ZNF286A: variants seen among roughly 807,000 people sequenced by gnomAD.
ZNF286A encodes zinc finger protein ZNF286.
Under a neutral mutation model 49.3 loss-of-function variants are expected in ZNF286A, and 34 were observed. That is an observed-to-expected ratio of 0.69 (90% confidence interval 0.52 to 0.92). ZNF286A has a LOEUF of 0.92. ZNF286A is among the 40% of genes least tolerant of loss of function. The probability of loss-of-function intolerance (pLI) is 0.00; values close to 1 mark genes in which losing one functional copy is unlikely to be tolerated. For missense variants in ZNF286A, 462 were observed against 600.2 expected, an observed-to-expected ratio of 0.77 and a Z score of 2.41; for synonymous variants, 155 against 200.4, an observed-to-expected ratio of 0.77 and a Z score of 1.91.
In ZNF286A at chr17:15,716,461, A is replaced by G; in HGVS notation, c.737A>G (p.Asn246Ser). 1 of 1,613,694 alleles carries G rather than the reference A, an allele frequency of 6.2e-7. No individual in the cohort carries two copies. Among genetic ancestry groups the G allele is most frequent in the Non-Finnish European group, 8.5e-7 (1 of 1,179,906 alleles). Reference sequence around the variant, plus strand: ...AAAGAGAAAAAACCTCATAAATGTAATGATTGTGGTGAACTCTTCACCTAC... The same window carrying G: ...AAAGAGAAAAAACCTCATAAATGTAGTGATTGTGGTGAACTCTTCACCTAC... ...TYKEKKPHKCNDCGELFTYHS... is the reference protein window; with the variant it reads ...TYKEKKPHKCSDCGELFTYHS... Residue 246 changes from asparagine to serine, a missense_variant, in exon 6 of 6, where the codon AAT becomes AGT. Physicochemically the swap from Asn to Ser is conservative, Grantham distance 46. Coordinates refer to ENST00000583566, the MANE Select transcript of ZNF286A (RefSeq NM_001130842.2).
rs756530385 is a variant in ZNF286A, at chr17:15,716,484, T to C, written c.760T>C (p.Tyr254His). ...KCNDCGELFTYHSVLIRHQRV... is the reference protein window; with the variant it reads ...KCNDCGELFTHHSVLIRHQRV... ...TAATGATTGTGGTGAACTCTTCACC[T>C]ACCATTCAGTGCTTATTCGACACCA... The change falls in exon 6 of 6, where the codon TAC becomes CAC. Residue 254 changes from tyrosine to histidine, a missense_variant. Tyr to His is a moderately conservative substitution (Grantham distance 83, BLOSUM62 2). Transcript: ENST00000583566. The C allele has an allele frequency of 5.0e-6, 8 of 1,614,082 alleles. No individual in the cohort carries two copies. In the East Asian group the frequency reaches 1.6e-4, roughly 31 times the overall value.
rs766366848 is a variant in ZNF286A at position 15,701,283 on chromosome 17, A to T, written c.126+43A>T. On this transcript the variant is annotated intron_variant, in intron 3 of 5. Coordinates refer to ENST00000583566, the MANE Select transcript of ZNF286A (RefSeq NM_001130842.2). ...ATTGGAATTACACCTTGTTTCTTAGAGTACAGATGCACTCCCTTCTTTGTG... is the reference window on the plus strand; with the variant it reads ...ATTGGAATTACACCTTGTTTCTTAGTGTACAGATGCACTCCCTTCTTTGTG... 5 of 1,470,814 alleles carry T rather than the reference A, an allele frequency of 3.4e-6. 1 individual carries two copies. The South Asian group carries it at 6.0e-5, about 18-fold the overall frequency. The allele number at this position is 1,470,814 out of a possible 1,614,324, so 91.1% of individuals were successfully genotyped here.
chr17:15,706,494 C>G lies in ZNF286A; in HGVS notation c.234C>G (p.Val78=). ...DVMLENYRNL[V]SLWLPVSKPE... Reference sequence around the variant, plus strand: ...TGCTGGAGAACTATAGGAACCTAGTCTCACTTTGTAAGAATGGATTGTGAT... The same window carrying G: ...TGCTGGAGAACTATAGGAACCTAGTGTCACTTTGTAAGAATGGATTGTGAT... Residue 78 remains valine, a synonymous_variant, in exon 4 of 6, where the codon GTC becomes GTG. Transcript: ENST00000583566. 6.2e-7 allele frequency: 1 copy of G among 1,601,200 alleles called. No homozygotes were observed.
rs1239566246 is a variant in ZNF286A, at chr17:15,719,862, G to GTTGAACT, written c.*2573_*2574insTGAACTT. 2.6e-5 allele frequency: 4 copies of GTTGAACT among 152,124 alleles called. No homozygotes were observed. The highest frequency in any genetic ancestry group is 4.4e-5 in the Non-Finnish European group (3 of 68,028). The allele number at this position is 152,124 out of a possible 1,614,324, so 9.4% of individuals were successfully genotyped here. On this transcript the variant is annotated 3_prime_UTR_variant, in exon 6 of 6. Transcript: ENST00000583566. ...CAGAGAAACTAGGTGGAATGGAAAA[G>GTTGAACT]TACTGAGAGATAATTGGGGACAGAA... is the stretch of plus-strand genomic sequence containing the variant.
In ZNF286A at chr17:15,708,177, G is replaced by A. The variant is rs756140850; in HGVS notation, c.264G>A (p.Glu88=). The A allele has an allele frequency of 6.3e-6, 10 of 1,593,722 alleles. No homozygotes were observed. In the East Asian group the frequency reaches 2.1e-4, roughly 33 times the overall value. The part of the protein sequence containing the change: ...VSLWLPVSKP[E]SYNLENGKEP... ...TAGGGCTTCCAGTTTCCAAACCTGA[G>A]AGCTACAACTTGGAGAATGGAAAAG... The change falls in exon 5 of 6, where the codon GAG becomes GAA. Residue 88 remains glutamate (E), a synonymous_variant. Coordinates refer to ENST00000583566, the MANE Select transcript of ZNF286A (RefSeq NM_001130842.2).
At position 15,716,779 on chromosome 17, in the gene ZNF286A, A is replaced by C; in HGVS notation, c.1055A>C (p.Lys352Thr). ...VQHQLIHTGV[K>T]PYECNECDKA... ...CATCAGTTGATTCATACTGGAGTGA[A>C]GCCTTATGAATGTAATGAATGTGAT... The change falls in exon 6 of 6, where the codon AAG becomes ACG. Residue 352 changes from lysine (K) to threonine (T), a missense_variant. Transcript: ENST00000583566. 6.2e-7 allele frequency: 1 copy of C among 1,613,456 alleles called. No homozygotes were observed. Among genetic ancestry groups the C allele is most frequent in the East Asian group, 2.2e-5 (1 of 44,876 alleles).
At chr17:15,706,587 T>G in intron 4 of ZNF286A, 86 bp downstream of exon 4, 4 of 1,026,446 alleles carry the variant, frequency 3.9e-6, no homozygotes, top group Non-Finnish European at 5.6e-6. Context: ...AGCCTTCACC[T>G]TTGCATTCAG....
At chr17:15,704,438 G>T in intron 3 of ZNF286A, 2 of 1,610,360 alleles carry the variant, frequency 1.2e-6, no homozygotes, top group Admixed American at 3.4e-5. Flanking sequence ...GCGCCCCCGT[G>T]GATCTCTGTG....
intron 3 of ZNF286A, among the ~76,000 whole-genome samples, chr17:15,701,748 T>C (rs2601947): frequency 6.6e-6 from 1 of 152,232 alleles, no homozygotes; most frequent in Non-Finnish European, 1.5e-5. Flanking sequence ...TCTGAGATGA[T>C]GAAAGCTAAG....
intron 3 of ZNF286A, among the ~76,000 whole-genome samples, chr17:15,705,310 G>A (rs1036551902): frequency 1.2e-4 from 19 of 152,138 alleles, no homozygotes; most frequent in African/African-American, 4.6e-4. Flanking sequence ...ACCTTATTCA[G>A]ATTTTTCCAG....
intron 5 of ZNF286A, among the ~76,000 whole-genome samples, chr17:15,714,428 A>G (rs1041691584): frequency 6.6e-6 from 1 of 152,110 alleles, no homozygotes; most frequent in African/African-American, 2.4e-5. Flanking sequence ...ACCTCTACCT[A>G]CCTATACAAG....
intron 3 of ZNF286A, chr17:15,704,470 T>G: frequency 3.1e-6 from 5 of 1,613,456 alleles, no homozygotes; most frequent in Non-Finnish European, 4.2e-6. Context: ...CCGAGCCGCA[T>G]ACTCCTCGGA....
intron 5 of ZNF286A, among the ~76,000 whole-genome samples, chr17:15,710,677 A>G (rs2151469910): frequency 6.6e-6 from 1 of 152,294 alleles, no homozygotes; most frequent in Admixed American, 6.5e-5. Context: ...ATACTTTTGA[A>G]TATTGAAAGA....
chr17:15,707,927 G>A (rs1156698407), intron 4 of ZNF286A, among the ~76,000 whole-genome samples: 1 of 152,086 alleles, frequency 6.6e-6, no homozygotes, highest in African/African-American at 2.4e-5. Flanking sequence ...GAGGTGGGAG[G>A]ATAGCTTGAG....
In ZNF286A at chr17:15,715,427, T is replaced by G. The variant is rs574814279; in HGVS notation, c.335-632T>G. ...CTCCATTGTTTGTATCCACTATATG[T>G]TCAATCATTTCTGTATAGTAGGATA... is the stretch of plus-strand genomic sequence containing the variant. On this transcript the variant is annotated intron_variant, in intron 5 of 5. Transcript: ENST00000583566. Among the ~76,000 whole-genome samples the G allele has an allele frequency of 8.5e-5, 13 of 152,280 alleles. No individual in the cohort carries two copies. The East Asian group carries it at 2.5e-3, about 29-fold the overall frequency.
intron 5 of ZNF286A, among the ~76,000 whole-genome samples, chr17:15,714,318 T>A (rs1181899735): frequency 1.3e-5 from 2 of 152,106 alleles, no homozygotes; most frequent in Non-Finnish European, 2.9e-5. Flanking sequence ...TGGAAAATGT[T>A]GAGACAATGA....
At position 15,716,734 on chromosome 17, in the gene ZNF286A, G is replaced by C; in HGVS notation, c.1010G>C (p.Arg337Pro). 1 of 1,613,918 alleles carries C rather than the reference G, an allele frequency of 6.2e-7. No individual in the cohort carries two copies. The highest frequency in any genetic ancestry group is 8.5e-7 in the Non-Finnish European group (1 of 1,179,862). ...ECNECGKGFNRSTHLVQHQLI... is the reference protein window; with the variant it reads ...ECNECGKGFNPSTHLVQHQLI... ...AATGAATGTGGGAAAGGTTTTAATCGAAGTACACATCTTGTGCAGCATCAG... is the reference window on the plus strand; with the variant it reads ...AATGAATGTGGGAAAGGTTTTAATCCAAGTACACATCTTGTGCAGCATCAG... The change falls in exon 6 of 6, where the codon CGA becomes CCA. Residue 337 changes from arginine to proline, a missense_variant. This residue lies in a region of ZNF286A where 201 missense variants were observed against 311.3 expected (regional missense o/e 0.65). Coordinates refer to ENST00000583566, the MANE Select transcript of ZNF286A (RefSeq NM_001130842.2).
At chr17:15,712,761 A>G (rs992412676) in intron 5 of ZNF286A, among the ~76,000 whole-genome samples, 1 of 152,158 alleles carries the variant, frequency 6.6e-6, no homozygotes, top group African/African-American at 2.4e-5. Context: ...AGTGAGACTG[A>G]TATTTTCATA....
intron 3 of ZNF286A, among the ~76,000 whole-genome samples, chr17:15,702,663 T>C (rs1217340667): frequency 6.6e-6 from 1 of 152,254 alleles, no homozygotes; most frequent in Non-Finnish European, 1.5e-5. Context: ...ATAGTGTTTG[T>C]AAAAGTCACT....
Sources: gnomAD v4.1 joint callset for allele counts (sites outside exome capture counted in the v4.1 genomes callset) on GRCh38, gnomAD v4.1.1 for gene constraint, gnomAD v4.1.1 regional missense constraint, MANE v1.5 for transcripts, NCBI Gene and HGNC (gene_info 2026-07-23, HGNC 2026-07-21) for gene names.